Variants in SEPTIN9 observed in about 807,000 individuals in gnomAD.
SEPTIN9 encodes septin-9.
Under a neutral mutation model 56.6 loss-of-function variants are expected in SEPTIN9, and 13 were observed. The ratio of observed to expected loss-of-function variants is 0.23; its 90% CI spans 0.15 to 0.37. The LOEUF (loss-of-function observed/expected upper bound fraction) is 0.37. SEPTIN9 is among the 10% of genes least tolerant of loss of function. The pLI is 1.00. For missense variants in SEPTIN9, 650 were observed against 823.1 expected, an observed-to-expected ratio of 0.79 and a Z score of 2.57; for synonymous variants, 332 against 334.1, an observed-to-expected ratio of 0.99 and a Z score of 0.07.
rs2033272142 is a variant in SEPTIN9, at chr17:77,329,633, T to C, written c.76+22436T>C. 6.6e-6 allele frequency among the ~76,000 whole-genome samples: 1 copy of C among 152,048 alleles called. No individual in the cohort carries two copies. The highest frequency in any genetic ancestry group is 1.5e-5 in the Non-Finnish European group (1 of 67,990). On this transcript the variant is annotated intron_variant, in intron 2 of 11. Coordinates refer to ENST00000427177, the MANE Select transcript of SEPTIN9 (RefSeq NM_001113491.2). The surrounding 1 kb of genome is among the most constrained non-coding windows in gnomAD (Gnocchi z 4.3). ...GATGCTGAGTCTCTGGGCAGGGACA[T>C]GGTGAGCCCTGGTGTGATGCACTTA... is the stretch of plus-strand genomic sequence containing the variant.
rs565565430 is a variant in SEPTIN9, at chr17:77,410,070, G to C, written c.721+7367G>C. Among the ~76,000 whole-genome samples, 7 of 151,574 alleles carry C rather than the reference G, an allele frequency of 4.6e-5. No individual in the cohort carries two copies. In the South Asian group the frequency reaches 1.2e-3, roughly 27 times the overall value. On this transcript the variant is annotated intron_variant, in intron 3 of 11. Transcript: ENST00000427177. ...AGTGACTCTGTCTCCTTCAGTCCAA[G>C]GGGGGCTCCTGGGGTATGGGCTGTA...
At position 77,500,471 on chromosome 17, in the gene SEPTIN9, C is replaced by A. The variant is rs1054116102; in HGVS notation, c.*1813C>A. ...CCAGACTTTGAAAAATTGTTCGTTT[C>A]ATCAGGCTCTGTTCCTCAATGGCCT... On this transcript the variant is annotated 3_prime_UTR_variant, in exon 12 of 12. Coordinates refer to ENST00000427177, the MANE Select transcript of SEPTIN9 (RefSeq NM_001113491.2). The A allele has an allele frequency of 4.5e-6, 1 of 221,098 alleles. No homozygotes were observed. Among genetic ancestry groups the A allele is most frequent in the Admixed American group, 5.8e-5 (1 of 17,304 alleles). 13.7% of individuals were successfully genotyped at this position (221,098 alleles called of 1,614,324 possible). A position where few individuals can be genotyped will look rare whatever the true frequency, so the allele number is the denominator to read the frequency against.
chr17:77,311,229 C>A (rs954932224), intron 2 of SEPTIN9, among the ~76,000 whole-genome samples: 1 of 149,016 alleles, frequency 6.7e-6, no homozygotes, highest in Admixed American at 6.6e-5. Flanking sequence ...GACCCCCCCC[C>A]CACCCCACCC....
intron 3 of SEPTIN9, 160 bp from the exon 4 acceptor site, chr17:77,481,984 A>C: frequency 1.5e-6 from 1 of 660,842 alleles, no homozygotes; most frequent in South Asian, 2.0e-5. Flanking sequence ...AGGGACATCC[A>C]CCCGGGGGAA....
intron 3 of SEPTIN9, among the ~76,000 whole-genome samples, chr17:77,413,715 C>T (rs759162470): frequency 6.6e-6 from 1 of 152,078 alleles, no homozygotes; most frequent in Non-Finnish European, 1.5e-5. Flanking sequence ...GCTGAGTGGT[C>T]CCAGCAGGCC....
intron 2 of SEPTIN9, chr17:77,373,737 C>T (rs774939664): frequency 2.4e-6 from 3 of 1,232,258 alleles, no homozygotes; most frequent in South Asian, 1.9e-5. Context: ...GCGCCGCCTA[C>T]GTGGGGGACC....
In SEPTIN9 at chr17:77,487,471, T is replaced by A; in HGVS notation, c.961T>A (p.Ser321Thr). Residue 321 changes from serine (S) to threonine (T), a missense_variant, in exon 5 of 12, where the codon TCC (serine) becomes ACC (threonine). Physicochemically the swap from Ser to Thr is moderately conservative, Grantham distance 58. This residue lies in a region of SEPTIN9 where 333 missense variants were observed against 494.0 expected (regional missense o/e 0.67). Transcript: ENST00000427177. This position sits in a 1 kb window ranked among gnomAD's most constrained non-coding sequence, Gnocchi z 4.3. Reference sequence around the variant, plus strand: ...CACCTTAATCAACACCCTCTTCAAATCCAAAATCAGCCGGAAGTCGGTGCA... The same window carrying A: ...CACCTTAATCAACACCCTCTTCAAAACCAAAATCAGCCGGAAGTCGGTGCA... The part of the protein sequence containing the change: ...KSTLINTLFK[S>T]KISRKSVQPT... 6.2e-7 allele frequency: 1 copy of A among 1,611,720 alleles called. No individual in the cohort carries two copies. Among genetic ancestry groups the A allele is most frequent in the Non-Finnish European group, 8.5e-7 (1 of 1,179,200 alleles).
intron 3 of SEPTIN9, among the ~76,000 whole-genome samples, chr17:77,408,839 ACCC>A (rs2036187157): frequency 6.6e-6 from 1 of 151,960 alleles, no homozygotes; most frequent in Non-Finnish European, 1.5e-5. Context: ...TTTACAGGAC[ACCC>A]CACATAGGCT....
chr17:77,357,999 C>T (rs981698693), intron 2 of SEPTIN9, among the ~76,000 whole-genome samples: 26 of 152,208 alleles, frequency 1.7e-4, no homozygotes, highest in African/African-American at 5.8e-4. Flanking sequence ...ATAATGAGGG[C>T]TACCAGTTAC....
intron 3 of SEPTIN9, among the ~76,000 whole-genome samples, chr17:77,426,698 C>T (rs2036926505): frequency 6.6e-6 from 1 of 152,196 alleles, no homozygotes. Context: ...TCCCTGTCAC[C>T]CGCAGTTAAA....
Position 77,487,825 on chromosome 17 carries a change from G to T in SEPTIN9, c.1042+273G>T, listed in dbSNP as rs1018296018. On this transcript the variant is annotated intron_variant, in intron 5 of 11. Transcript: ENST00000427177. This position sits in a 1 kb window ranked among gnomAD's most constrained non-coding sequence, Gnocchi z 4.3. ...ACACACGGTCAGTGGCTGGGGATGG[G>T]CTGGGGATGTGGGATACCCATGCCT... Among the ~76,000 whole-genome samples the T allele has an allele frequency of 2.6e-5, 4 of 152,076 alleles. No homozygotes were observed. The highest frequency in any genetic ancestry group is 7.2e-5 in the African/African-American group (3 of 41,384).
At position 77,499,031 on chromosome 17, in the gene SEPTIN9, G is replaced by T. The variant is rs139898898; in HGVS notation, c.*373G>T. The T allele has an allele frequency of 1.9e-6, 1 of 538,556 alleles. No individual in the cohort carries two copies. The highest frequency in any genetic ancestry group is 3.9e-5 in the East Asian group (1 of 25,752). 33.4% of individuals were successfully genotyped at this position (538,556 alleles called of 1,614,324 possible). A position where few individuals can be genotyped will look rare whatever the true frequency, so the allele number is the denominator to read the frequency against. The stretch of plus-strand genomic sequence containing the variant: ...GGCCTTGGGGTGGGGGCCAGGCCTC[G>T]CACTTGCAGAGGAGCCCAGTGGGCT... On this transcript the variant is annotated 3_prime_UTR_variant, in exon 12 of 12. Transcript: ENST00000427177.
At chr17:77,422,631 CG>C (rs947335596) in intron 3 of SEPTIN9, among the ~76,000 whole-genome samples, 10 of 152,178 alleles carry the variant, frequency 6.6e-5, no homozygotes, top group Non-Finnish European at 1.5e-4. Context: ...CCCGGGGAGC[CG>C]GGCTAATGGT....
At chr17:77,440,217 C>A (rs1330997219) in intron 3 of SEPTIN9, among the ~76,000 whole-genome samples, 4 of 152,090 alleles carry the variant, frequency 2.6e-5, no homozygotes, top group Non-Finnish European at 4.4e-5. Context: ...TGCAGTAGCA[C>A]AATCTTGGCT....
At chr17:77,419,295 G>A (rs184580231) in intron 3 of SEPTIN9, among the ~76,000 whole-genome samples, 1 of 152,330 alleles carries the variant, frequency 6.6e-6, no homozygotes, top group Admixed American at 6.5e-5. Flanking sequence ...TGGGAGCTGA[G>A]GGAGGCGCTT....
intron 3 of SEPTIN9, chr17:77,446,190 G>T (rs961129859): frequency 6.0e-6 from 1 of 167,102 alleles, no homozygotes; most frequent in Non-Finnish European, 1.5e-5. Flanking sequence ...GTCAGAAGCC[G>T]ATCAGTCTCA....
At chr17:77,354,498 C>T (rs1215697801) in intron 2 of SEPTIN9, among the ~76,000 whole-genome samples, 1 of 152,164 alleles carries the variant, frequency 6.6e-6, no homozygotes, top group African/African-American at 2.4e-5. Flanking sequence ...CCCAAATGCT[C>T]CTGCCCAGCC....
chr17:77,361,437 T>C (rs1334280625), intron 2 of SEPTIN9, among the ~76,000 whole-genome samples: 1 of 152,166 alleles, frequency 6.6e-6, no homozygotes, highest in Non-Finnish European at 1.5e-5. Context: ...CAGAGCTTGC[T>C]GTCATGCTGT....
At chr17:77,410,581 T>G (rs1417615376) in intron 3 of SEPTIN9, among the ~76,000 whole-genome samples, 2 of 152,232 alleles carry the variant, frequency 1.3e-5, no homozygotes, top group Admixed American at 6.5e-5. Flanking sequence ...CTGCCGCCCC[T>G]GCCCTGCCTA....
Sources: gnomAD v4.1 joint callset for allele counts (sites outside exome capture counted in the v4.1 genomes callset) on GRCh38, gnomAD v4.1.1 for gene constraint, gnomAD v4.1.1 regional missense constraint, Gnocchi (gnomAD v3.1) non-coding constraint, MANE v1.5 for transcripts, NCBI Gene and HGNC (gene_info 2026-07-23, HGNC 2026-07-21) for gene names.